The following PAN3 variants were observed in gnomAD, a reference collection of about 807,000 sequenced individuals.
PAN3 encodes the protein poly(A) specific ribonuclease subunit PAN3.
PAN3 carries 19 observed loss-of-function variants against 96.2 expected under a neutral mutation model. The ratio of observed to expected loss-of-function variants is 0.20; its 90% CI spans 0.14 to 0.29. PAN3 has a LOEUF of 0.29. PAN3 is among the 10% of genes least tolerant of loss of function. PAN3 has a pLI of 1.00. For missense variants in PAN3, 882 were observed against 1,108.1 expected (o/e 0.80, Z 2.90); for synonymous variants, 433 against 406.6 (o/e 1.06, Z -0.78).
At chr13:28,169,216 T>G (rs1156301791) in intron 1 of PAN3, among the ~76,000 whole-genome samples, 1 of 148,802 alleles carries the variant, frequency 6.7e-6, no homozygotes, top group Non-Finnish European at 1.5e-5. Flanking sequence ...ATTTTTTTTT[T>G]GTTTGCTTTT....
chr13:28,223,111 T>C (rs1009889476), intron 6 of PAN3, among the ~76,000 whole-genome samples: 2 of 152,208 alleles, frequency 1.3e-5, no homozygotes, highest in African/African-American at 4.8e-5. Context: ...CCTGAGTGAA[T>C]CACATTGCTT....
Position 28,270,741 on chromosome 13 carries a change from A to T in PAN3, c.1833A>T (p.Leu611Phe). ...EGPLPRQHAGLLPESLIWAYI... is the reference protein window; with the variant it reads ...EGPLPRQHAGFLPESLIWAYI... ...CATTGCCCAGGCAGCATGCTGGATT[A>T]TTGCCAGAATCTCTTATTTGGGCAT... Residue 611 changes from leucine (L) to phenylalanine (F), a missense_variant, in exon 13 of 19, where the codon TTA becomes TTT. This residue lies in a region of PAN3 where 364 missense variants were observed against 513.6 expected (regional missense o/e 0.71). Transcript: ENST00000380958. The T allele has an allele frequency of 6.2e-7, 1 of 1,613,964 alleles. No individual in the cohort carries two copies. Among genetic ancestry groups the T allele is most frequent in the Non-Finnish European group, 8.5e-7 (1 of 1,179,874 alleles).
Position 28,287,980 on chromosome 13 carries a change from C to T in PAN3, c.2385-4C>T. 1.9e-6 allele frequency: 3 copies of T among 1,604,884 alleles called. No individual in the cohort carries two copies. Among genetic ancestry groups the T allele is most frequent in the East Asian group, 2.2e-5 (1 of 44,708 alleles). On this transcript the variant is annotated splice_polypyrimidine_tract_variant and splice_region_variant and intron_variant, in intron 17 of 18. Transcript: ENST00000380958. The stretch of plus-strand genomic sequence containing the variant: ...TACTGAGGTAAAATGTTCATTTCCC[C>T]CAGGTTTCAGAAGGATCCCACTTGG...
Position 28,292,876 on chromosome 13 carries a change from T to C in PAN3, c.*354T>C, listed in dbSNP as rs1593653520. On this transcript the variant is annotated 3_prime_UTR_variant, in exon 19 of 19. Transcript: ENST00000380958. The stretch of plus-strand genomic sequence containing the variant: ...CTTTTGCCACATTGTATACTTATAA[T>C]GGGAAACTTTGCAAGGACATTTTTG... 1 of 156,536 alleles carries C rather than the reference T, an allele frequency of 6.4e-6. No individual in the cohort carries two copies. The highest frequency in any genetic ancestry group is 1.8e-4 in the East Asian group (1 of 5,412). 9.7% of individuals were successfully genotyped at this position (156,536 alleles called of 1,614,324 possible).
At position 28,138,988 on chromosome 13, in the gene PAN3, C is replaced by T. The variant is rs758205133; in HGVS notation, c.331C>T (p.Pro111Ser). The T allele has an allele frequency of 6.3e-6, 8 of 1,267,842 alleles. No individual in the cohort carries two copies. Among genetic ancestry groups the T allele is most frequent in the African/African-American group, 4.6e-5 (3 of 64,662 alleles). 78.5% of individuals were successfully genotyped at this position (1,267,842 alleles called of 1,614,324 possible). The change falls in exon 1 of 19, where the codon CCC becomes TCC. Residue 111 changes from proline to serine, a missense_variant. Physicochemically the swap from Pro to Ser is moderately conservative, Grantham distance 74. Coordinates refer to ENST00000380958, the MANE Select transcript of PAN3 (RefSeq NM_175854.8). ...CGTCGCGGGCGGGGGAGCTGGGCCG[C>T]CCCCCGGGCCCAAGAAGCCGGACCT... ...GAVAGGGAGP[P>S]PGPKKPDLGD...
At chr13:28,289,888 A>AG (rs1869523351) in intron 18 of PAN3, among the ~76,000 whole-genome samples, 1 of 152,250 alleles carries the variant, frequency 6.6e-6, no homozygotes, top group African/African-American at 2.4e-5. Flanking sequence ...TCTCAAAAAA[A>AG]AAAGAAAGAA....
At chr13:28,149,262 G>C (rs1871070983) in intron 1 of PAN3, among the ~76,000 whole-genome samples, 1 of 152,120 alleles carries the variant, frequency 6.6e-6, no homozygotes, top group African/African-American at 2.4e-5. Flanking sequence ...GCTGATGTGA[G>C]AGGATTGCTT....
upstream of PAN3, chr13:28,138,338 T>C (rs1869044174): frequency 5.8e-6 from 1 of 172,240 alleles, no homozygotes; most frequent in South Asian, 2.0e-4. Flanking sequence ...CCGCTCCCTC[T>C]TCCCCTGCCC....
At chr13:28,271,571 C>T (rs1211670691) in intron 13 of PAN3, among the ~76,000 whole-genome samples, 1 of 152,000 alleles carries the variant, frequency 6.6e-6, no homozygotes, top group African/African-American at 2.4e-5. Context: ...ATGAGGTACC[C>T]CTCATAAAGT....
intron 1 of PAN3, among the ~76,000 whole-genome samples, chr13:28,144,222 T>TG (rs1870270651): frequency 1.6e-5 from 2 of 124,406 alleles, no homozygotes; most frequent in African/African-American, 3.4e-5. Context: ...TTTTTTTTTT[T>TG]TTTTTTTTTT....
intron 1 of PAN3, among the ~76,000 whole-genome samples, chr13:28,170,952 A>G (rs1175757680): frequency 1.3e-5 from 2 of 152,052 alleles, no homozygotes; most frequent in South Asian, 2.1e-4. Flanking sequence ...ATGCGCCACC[A>G]TGCCTGGCTA....
intron 17 of PAN3, among the ~76,000 whole-genome samples, chr13:28,286,155 A>G (rs1868948440): frequency 6.6e-6 from 1 of 152,134 alleles, no homozygotes; most frequent in Non-Finnish European, 1.5e-5. Flanking sequence ...ACTGTCAAGG[A>G]TTATCATTTG....
chr13:28,245,026 T>G (rs1414045092), intron 6 of PAN3, among the ~76,000 whole-genome samples: 1 of 152,120 alleles, frequency 6.6e-6, no homozygotes, highest in Admixed American at 6.5e-5. Context: ...TTTTTGTATT[T>G]TTAGTAGAGA....
At chr13:28,143,873 C>T (rs962126970) in intron 1 of PAN3, among the ~76,000 whole-genome samples, 1 of 152,084 alleles carries the variant, frequency 6.6e-6, no homozygotes, top group East Asian at 1.9e-4. Context: ...TAATGTGTAG[C>T]GTGTGGCAAA....
At chr13:28,148,619 G>A (rs1870977545) in intron 1 of PAN3, among the ~76,000 whole-genome samples, 1 of 152,040 alleles carries the variant, frequency 6.6e-6, no homozygotes. Flanking sequence ...CTGTCTCCCA[G>A]AGACACTCTT....
intron 6 of PAN3, among the ~76,000 whole-genome samples, chr13:28,250,903 ATTC>A (rs1263929914): frequency 3.3e-5 from 5 of 151,952 alleles, no homozygotes; most frequent in Non-Finnish European, 7.4e-5. Flanking sequence ...CTTCTCCAGT[ATTC>A]TTTTCTTCTT....
chr13:28,270,483 G>A (rs1886519244), intron 12 of PAN3, among the ~76,000 whole-genome samples: 1 of 152,158 alleles, frequency 6.6e-6, no homozygotes, highest in Admixed American at 6.5e-5. Context: ...TTCAGTGAGA[G>A]CCCTATTGCT....
At chr13:28,147,554 A>G (rs1593356184) in intron 1 of PAN3, among the ~76,000 whole-genome samples, 1 of 152,222 alleles carries the variant, frequency 6.6e-6, no homozygotes, top group South Asian at 2.1e-4. Context: ...GGGCAAAATT[A>G]CCTGACAGCA....
intron 5 of PAN3, among the ~76,000 whole-genome samples, chr13:28,218,693 A>G (rs532718540): frequency 6.6e-6 from 1 of 152,306 alleles, no homozygotes; most frequent in East Asian, 1.9e-4. Context: ...CTTTCAAAAT[A>G]ATAAGGTTAG....
Sources: gnomAD v4.1 joint callset for allele counts (sites outside exome capture counted in the v4.1 genomes callset) on GRCh38, gnomAD v4.1.1 for gene constraint, gnomAD v4.1.1 regional missense constraint, MANE v1.5 for transcripts, NCBI Gene and HGNC (gene_info 2026-07-23, HGNC 2026-07-21) for gene names.